The following SPAG16 variants were observed in gnomAD, a reference collection of about 807,000 sequenced individuals.
SPAG16 encodes sperm associated antigen 16, also known as sperm-associated antigen 16 protein.
In SPAG16, 86 loss-of-function variants were observed where a neutral mutation model predicts 80.4. That is an observed-to-expected ratio of 1.07 (90% CI 0.90 to 1.28). The LOEUF (loss-of-function observed/expected upper bound fraction) is 1.28, where lower values mean the gene tolerates loss of function less well. SPAG16 is among the 50% of genes most tolerant of loss of function. SPAG16 has a pLI of 0.00. For missense variants in SPAG16, 870 were observed against 765.3 expected (o/e 1.14, Z -1.61); for synonymous variants, 294 against 265.9 (o/e 1.11, Z -1.03).
chr2:214,330,331 C>T (rs1696827814), intron 15 of SPAG16, among the ~76,000 whole-genome samples: 2 of 150,816 alleles, frequency 1.3e-5, no homozygotes, highest in South Asian at 4.2e-4. Flanking sequence ...GGCACAAACA[C>T]AGCTAGAACT....
At chr2:213,547,005 G>A (rs73988542) in intron 10 of SPAG16, among the ~76,000 whole-genome samples, 1,922 of 152,112 alleles carry the variant, frequency 0.013, 40 homozygotes, top group African/African-American at 0.042. Flanking sequence ...AGAACCTGAG[G>A]CTAATAGAAA....
intron 11 of SPAG16, among the ~76,000 whole-genome samples, chr2:213,922,162 G>T (rs1173444932): frequency 6.6e-6 from 1 of 152,168 alleles, no homozygotes; most frequent in Non-Finnish European, 1.5e-5. Context: ...GGACACCAAT[G>T]AGTCATAGTT....
chr2:213,597,710 A>T lies in SPAG16; in HGVS notation c.1070+107620A>T, dbSNP rs564930552. Among the ~76,000 whole-genome samples, 395 of 152,250 alleles carry T rather than the reference A, an allele frequency of 2.6e-3. 5 individuals carry two copies. The highest frequency in any genetic ancestry group is 3.6e-3 in the Non-Finnish European group (243 of 68,020). On this transcript the variant is annotated intron_variant, in intron 10 of 15. Transcript: ENST00000331683. The stretch of plus-strand genomic sequence containing the variant: ...GCCGCTATTTCATTTAAGAAAAAAA[A>T]ATTTTGTTACATATTTTGCAAAAAG...
intron 15 of SPAG16, among the ~76,000 whole-genome samples, chr2:214,172,753 C>T (rs1009118850): frequency 6.6e-6 from 1 of 152,042 alleles, no homozygotes; most frequent in African/African-American, 2.4e-5. Context: ...CACATCCTCT[C>T]CAGCACCTGT....
intron 10 of SPAG16, among the ~76,000 whole-genome samples, chr2:213,620,282 T>G (rs1012251862): frequency 1.5e-4 from 6 of 40,120 alleles, no homozygotes; most frequent in Non-Finnish European, 2.9e-4. Flanking sequence ...ATTTATTGAG[T>G]TTTTTTTTTT....
At chr2:213,406,953 A>G (rs1010802209) in intron 9 of SPAG16, among the ~76,000 whole-genome samples, 42 of 148,686 alleles carry the variant, frequency 2.8e-4, no homozygotes, top group African/African-American at 9.9e-4. Context: ...AAAAAAAAAA[A>G]AAAAGGGAAA....
At chr2:213,833,471 ATAATAATATATATAT>A (rs2073819136) in intron 10 of SPAG16, among the ~76,000 whole-genome samples, 1 of 15,632 alleles carries the variant, frequency 6.4e-5, no homozygotes, top group Non-Finnish European at 1.3e-4. Context: ...TATATTATAT[ATAATAATATATATAT>A]TATATATAAT....
chr2:214,041,854 G>A (rs1322321757), intron 13 of SPAG16, among the ~76,000 whole-genome samples: 1 of 149,756 alleles, frequency 6.7e-6, no homozygotes, highest in Non-Finnish European at 1.5e-5. Context: ...CCTTGTGGGA[G>A]GTGTTATTTA....
intron 14 of SPAG16, among the ~76,000 whole-genome samples, chr2:214,110,278 A>G (rs778482488): frequency 6.6e-6 from 1 of 151,972 alleles, no homozygotes; most frequent in Non-Finnish European, 1.5e-5. Flanking sequence ...TCCTAATGCT[A>G]TCCCTCCCCC....
chr2:214,257,112 A>G (rs1690746803), intron 15 of SPAG16, among the ~76,000 whole-genome samples: 1 of 151,926 alleles, frequency 6.6e-6, no homozygotes, highest in Non-Finnish European at 1.5e-5. Flanking sequence ...TAAAGCTCCA[A>G]TATTGTTTTA....
intron 13 of SPAG16, among the ~76,000 whole-genome samples, chr2:214,053,782 A>G (rs2049786702): frequency 6.6e-6 from 1 of 152,238 alleles, no homozygotes; most frequent in Admixed American, 6.5e-5. Context: ...TGACAAGGTT[A>G]GCTGAGAATC....
At chr2:213,869,281 G>A (rs13011664) in intron 11 of SPAG16, among the ~76,000 whole-genome samples, 1,503 of 36,590 alleles carry the variant, frequency 0.041, 97 homozygotes, top group Non-Finnish European at 0.092. Context: ...ATATATATAT[G>A]TATATATATA....
chr2:213,721,775 G>A (rs535491606), intron 10 of SPAG16, among the ~76,000 whole-genome samples: 1 of 152,284 alleles, frequency 6.6e-6, no homozygotes, highest in South Asian at 2.1e-4. Flanking sequence ...ATGTTGAAGT[G>A]CTAAGATTAT....
At chr2:214,120,939 T>A (rs2054190448) in intron 14 of SPAG16, among the ~76,000 whole-genome samples, 1 of 151,860 alleles carries the variant, frequency 6.6e-6, no homozygotes, top group Non-Finnish European at 1.5e-5. Flanking sequence ...ATGTTAAAAA[T>A]GAAACTTGCT....
At chr2:214,175,202 TA>T (rs2057028084) in intron 15 of SPAG16, among the ~76,000 whole-genome samples, 1 of 136,770 alleles carries the variant, frequency 7.3e-6, no homozygotes, top group South Asian at 2.3e-4. Context: ...AAGAAATATA[TA>T]TATATATAAA....
At chr2:213,684,753 T>A (rs940739544) in intron 10 of SPAG16, among the ~76,000 whole-genome samples, 1 of 152,226 alleles carries the variant, frequency 6.6e-6, no homozygotes, top group African/African-American at 2.4e-5. Flanking sequence ...TTATCCATTA[T>A]GTAACAAATG....
intron 15 of SPAG16, among the ~76,000 whole-genome samples, chr2:214,322,616 A>G (rs1696181503): frequency 1.3e-5 from 2 of 152,184 alleles, no homozygotes; most frequent in African/African-American, 4.8e-5. Flanking sequence ...TTTAGATGGA[A>G]ACATTTGGCT....
intron 15 of SPAG16, among the ~76,000 whole-genome samples, chr2:214,283,139 A>G (rs114298480): frequency 0.038 from 5,701 of 150,660 alleles, 135 homozygotes; most frequent in Middle Eastern, 0.092. Flanking sequence ...TAATAATTGC[A>G]GGGCCCACCA....
chr2:213,814,908 A>G (rs959594809), intron 10 of SPAG16, among the ~76,000 whole-genome samples: 1 of 151,296 alleles, frequency 6.6e-6, no homozygotes, highest in Non-Finnish European at 1.5e-5. Context: ...TTCTAAATAC[A>G]TGAAGCAAAA....
Sources: allele counts gnomAD v4.1 joint callset (sites outside exome capture counted in the v4.1 genomes callset), GRCh38; gene constraint gnomAD v4.1.1; transcripts MANE v1.5; gene names NCBI Gene and HGNC (gene_info 2026-07-23, HGNC 2026-07-21).